Variants in NDUFA9 observed in about 807,000 individuals in gnomAD.
The protein encoded by NDUFA9 is NADH dehydrogenase [ubiquinone] 1 alpha subcomplex subunit 9, mitochondrial.
Under a neutral mutation model 45.9 loss-of-function variants are expected in NDUFA9, and 23 were observed. The observed-to-expected ratio is 0.50, with a 90% CI of 0.36 to 0.71. NDUFA9 has a LOEUF of 0.71. Ranked by LOEUF, NDUFA9 falls within the 30% of genes least tolerant of loss-of-function variation. The pLI is 0.00. For synonymous variants in NDUFA9, 176 were observed against 170.5 expected (o/e 1.03, Z -0.25); for missense variants, 466 against 488.2 (o/e 0.95, Z 0.43).
At chr12:4,658,862 T>C (rs1945806775) in intron 4 of NDUFA9, among the ~76,000 whole-genome samples, 174 bp from the exon 5 acceptor site, 1 of 152,224 alleles carries the variant, frequency 6.6e-6, no homozygotes, top group South Asian at 2.1e-4. Context: ...AGTGCTGGGA[T>C]TACAGGCATG....
intron 7 of NDUFA9, among the ~76,000 whole-genome samples, chr12:4,669,175 C>G (rs1374116161): frequency 6.6e-6 from 1 of 152,252 alleles, no homozygotes; most frequent in Non-Finnish European, 1.5e-5. Flanking sequence ...GCATTCCTGG[C>G]TTCTAGCCAC....
chr12:4,662,617 T>C lies in NDUFA9; in HGVS notation c.637T>C (p.Phe213Leu). 6.2e-7 allele frequency: 1 copy of C among 1,613,548 alleles called. No homozygotes were observed. Among genetic ancestry groups the C allele is most frequent in the South Asian group, 1.1e-5 (1 of 91,054 alleles). ...GGACATCTTTGGAAGAGAGGATAGA[T>C]TCCTTAATTCTTTTGCAAGTACGTA... Reference protein sequence around the residue: ...PSDIFGREDRFLNSFASMHRF... With the variant: ...PSDIFGREDRLLNSFASMHRF... The change falls in exon 6 of 11, where the codon TTC becomes CTC. Residue 213 changes from phenylalanine to leucine, a missense_variant. By Grantham distance (22) the Phe-to-Leu change is conservative. Transcript: ENST00000266544.
At position 4,665,972 on chromosome 12, in the gene NDUFA9, AAT is replaced by A. The variant is rs1945851049; in HGVS notation, c.656-2476_656-2475del. Among the ~76,000 whole-genome samples, 5 of 152,012 alleles carry A rather than the reference AAT, an allele frequency of 3.3e-5. No homozygotes were observed. In the South Asian group the frequency reaches 1.0e-3, roughly 32 times the overall value. On this transcript the variant is annotated intron_variant, in intron 6 of 10. Coordinates refer to ENST00000266544, the MANE Select transcript of NDUFA9 (RefSeq NM_005002.5). ...GTGTACCACCACACCTGGCTTAAAA[AAT>A]ATATATATTTTTGTAGAGACAGGTC...
chr12:4,681,579 CAT>C (rs1021106630), intron 8 of NDUFA9, among the ~76,000 whole-genome samples: 126 of 147,300 alleles, frequency 8.6e-4, no homozygotes, highest in African/African-American at 3.0e-3. Context: ...TATATAATTA[CAT>C]ATATATAATT....
At chr12:4,680,498 T>G (rs1945945884) in intron 8 of NDUFA9, among the ~76,000 whole-genome samples, 1 of 152,206 alleles carries the variant, frequency 6.6e-6, no homozygotes, top group East Asian at 1.9e-4. Context: ...GGAAGGGCAC[T>G]TAAACTAGTG....
chr12:4,684,427 G>T (rs1418833651), intron 9 of NDUFA9, among the ~76,000 whole-genome samples: 1 of 152,178 alleles, frequency 6.6e-6, no homozygotes, highest in East Asian at 1.9e-4. Context: ...GGCCCCCCAG[G>T]ACTCTGTGGG....
At chr12:4,661,034 T>G (rs115699776) in intron 5 of NDUFA9, among the ~76,000 whole-genome samples, 1,706 of 152,054 alleles carry the variant, frequency 0.011, 30 homozygotes, top group African/African-American at 0.039. Context: ...CTACATTGTT[T>G]ACATGCTGGT....
Position 4,689,732 on chromosome 12 carries a change from C to G in NDUFA9, c.*2624C>G, listed in dbSNP as rs1025489557. 1.7e-5 allele frequency: 3 copies of G among 179,358 alleles called. No individual in the cohort carries two copies. The highest frequency in any genetic ancestry group is 2.4e-3 in the Middle Eastern group (1 of 424). The allele number at this position is 179,358 out of a possible 1,614,324, so 11.1% of individuals were successfully genotyped here. A position where few individuals can be genotyped will look rare whatever the true frequency, so the allele number is the denominator to read the frequency against. On this transcript the variant is annotated 3_prime_UTR_variant, in exon 11 of 11. Transcript: ENST00000266544. ...CAGACACAGCAACAATGTGATTTCT[C>G]TATCTTTTCCCCACATTTCCCCCTT...
In NDUFA9 at chr12:4,689,290, T is replaced by C. The variant is rs545333096; in HGVS notation, c.*2182T>C. 22 of 120,020 alleles carry C rather than the reference T, an allele frequency of 1.8e-4. No homozygotes were observed. The highest frequency in any genetic ancestry group is 6.6e-4 in the African/African-American group (21 of 31,790). 7.4% of individuals were successfully genotyped at this position (120,020 alleles called of 1,614,324 possible). Reference sequence around the variant, plus strand: ...CATCTCAGGATGCTGTATATTTCTTTTATTTTTTATTTTTTATTTTTTTAT... The same window carrying C: ...CATCTCAGGATGCTGTATATTTCTTCTATTTTTTATTTTTTATTTTTTTAT... On this transcript the variant is annotated 3_prime_UTR_variant, in exon 11 of 11. Coordinates refer to ENST00000266544, the MANE Select transcript of NDUFA9 (RefSeq NM_005002.5).
At chr12:4,665,101 G>A (rs571047686) in intron 6 of NDUFA9, among the ~76,000 whole-genome samples, 63 of 152,246 alleles carry the variant, frequency 4.1e-4, no homozygotes, top group Non-Finnish European at 7.8e-4. Flanking sequence ...AGAGTCTTGA[G>A]ACTAAGACAA....
intron 8 of NDUFA9, among the ~76,000 whole-genome samples, chr12:4,674,990 T>G (rs1945910302): frequency 6.6e-6 from 1 of 152,098 alleles, no homozygotes; most frequent in Non-Finnish European, 1.5e-5. Flanking sequence ...GACAATCAAA[T>G]TAGAACTCAG....
At chr12:4,676,459 A>G (rs1269208438) in intron 8 of NDUFA9, among the ~76,000 whole-genome samples, 1 of 152,236 alleles carries the variant, frequency 6.6e-6, no homozygotes, top group East Asian at 1.9e-4. Flanking sequence ...ATACAAAATC[A>G]ATGTGCAAAA....
intron 6 of NDUFA9, 93 bp from the exon 7 acceptor site, chr12:4,668,364 T>C (rs1591546390): frequency 1.9e-6 from 2 of 1,025,688 alleles, no homozygotes; most frequent in East Asian, 4.8e-5. Flanking sequence ...ATATTATTTC[T>C]ATTATGCACA....
intron 7 of NDUFA9, 71 bp downstream of exon 7, chr12:4,668,595 G>C (rs1945867336): frequency 3.6e-6 from 5 of 1,374,140 alleles, no homozygotes; most frequent in Non-Finnish European, 5.2e-6. Flanking sequence ...CAAGTTTCTG[G>C]TTTTGTCCTA....
At chr12:4,665,020 T>C (rs1001776653) in intron 6 of NDUFA9, among the ~76,000 whole-genome samples, 1 of 152,210 alleles carries the variant, frequency 6.6e-6, no homozygotes, top group African/African-American at 2.4e-5. Context: ...GAATTTTGCC[T>C]CAGGATGACC....
At chr12:4,680,826 A>G (rs1345947667) in intron 8 of NDUFA9, among the ~76,000 whole-genome samples, 1 of 152,226 alleles carries the variant, frequency 6.6e-6, no homozygotes, top group Non-Finnish European at 1.5e-5. Flanking sequence ...TACTGTCATG[A>G]AGCATGCAAA....
Position 4,676,951 on chromosome 12 carries a change from G to A in NDUFA9, c.801-5254G>A, listed in dbSNP as rs117287832. On this transcript the variant is annotated intron_variant, in intron 8 of 10. Coordinates refer to ENST00000266544, the MANE Select transcript of NDUFA9 (RefSeq NM_005002.5). ...CAGCACGGTACTGGTACCAAAACAG[G>A]TATATAGACCAATGGGACAGAACAG... Among the ~76,000 whole-genome samples, 996 of 152,168 alleles carry A rather than the reference G, an allele frequency of 6.5e-3. 10 individuals carry two copies. The highest frequency in any genetic ancestry group is 9.0e-3 in the Non-Finnish European group (613 of 67,968).
At chr12:4,655,273 A>G (rs1945783291) in intron 3 of NDUFA9, 1 of 203,272 alleles carries the variant, frequency 4.9e-6, no homozygotes, top group African/African-American at 2.3e-5. Flanking sequence ...TTTATTTACA[A>G]AATGAGGCTG....
At chr12:4,678,199 G>A (rs886249076) in intron 8 of NDUFA9, among the ~76,000 whole-genome samples, 2 of 152,094 alleles carry the variant, frequency 1.3e-5, no homozygotes, top group Non-Finnish European at 1.5e-5. Context: ...AGGTTGATGG[G>A]TGCAGCAAAC....
Sources: allele counts gnomAD v4.1 joint callset (sites outside exome capture counted in the v4.1 genomes callset), GRCh38; gene constraint gnomAD v4.1.1; transcripts MANE v1.5; gene names NCBI Gene and HGNC (gene_info 2026-07-23, HGNC 2026-07-21).